CLGN: variants seen among roughly 807,000 people sequenced by gnomAD.
CLGN encodes testis tissue sperm-binding protein Li 79P.
In CLGN, 62 loss-of-function variants were observed where a neutral mutation model predicts 79.1. That is an observed-to-expected ratio of 0.78 (90% CI 0.64 to 0.97). CLGN has a LOEUF of 0.97. Ranked by LOEUF, CLGN falls within the 50% of genes least tolerant of loss-of-function variation. The pLI, the probability that CLGN is intolerant of heterozygous loss-of-function variation, is 0.00. For synonymous variants in CLGN, 225 were observed against 224.7 expected, an observed-to-expected ratio of 1.00 and a Z score of -0.01; for missense variants, 647 against 715.5, an observed-to-expected ratio of 0.90 and a Z score of 1.09.
intron 3 of CLGN, among the ~76,000 whole-genome samples, chr4:140,410,188 T>C (rs771077036): frequency 5.3e-5 from 8 of 152,052 alleles, no homozygotes; most frequent in East Asian, 3.8e-4. Context: ...ATCTACTTTT[T>C]TTAAGGACAT....
rs145227876 is a variant in CLGN, at chr4:140,398,998, G to C, written c.737C>G (p.Thr246Arg). 2 of 1,613,624 alleles carry C rather than the reference G, an allele frequency of 1.2e-6. No individual in the cohort carries two copies. Among genetic ancestry groups the C allele is most frequent in the African/African-American group, 2.7e-5 (2 of 74,988 alleles). The change falls in exon 8 of 15, where the codon ACA (threonine) becomes AGA (arginine). Residue 246 changes from threonine to arginine, a missense_variant. Thr to Arg is a moderately conservative substitution (Grantham distance 71). Transcript: ENST00000325617. ...TAGGAGGCTTCCTTTGTTTACAACT[G>C]TTTGATCAACTAACACCTCAAATGT... ...DDTFEVLVDQ[T>R]VVNKGSLLED... is the part of the protein sequence containing the mutation.
At position 140,398,836 on chromosome 4, in the gene CLGN, G is replaced by A. The variant is rs554423828; in HGVS notation, c.884+15C>T. ...TTATGCCAGATAATGCTTTGCTACC[G>A]AATTATTTGCTTACCAGTCTTCTGG... On this transcript the variant is annotated intron_variant, in intron 8 of 14. Transcript: ENST00000325617. 294 of 1,610,542 alleles carry A rather than the reference G, an allele frequency of 1.8e-4. 4 individuals are homozygous for A. The South Asian group carries it at 2.9e-3, about 16-fold the overall frequency.
chr4:140,398,538 CA>C (rs1728937333), intron 8 of CLGN, among the ~76,000 whole-genome samples: 1 of 151,628 alleles, frequency 6.6e-6, no homozygotes, highest in African/African-American at 2.4e-5. Context: ...CACACACATA[CA>C]ATAAAGATCA....
intron 3 of CLGN, 42 bp downstream of exon 3, chr4:140,410,511 G>A (rs201477678): frequency 4.4e-6 from 6 of 1,378,602 alleles, no homozygotes; most frequent in Non-Finnish European, 6.2e-6. Context: ...CTTCAAAAAA[G>A]CTAATAAATC....
Position 140,398,987 on chromosome 4 carries a change from T to C in CLGN, c.748A>G (p.Lys250Glu), listed in dbSNP as rs141471500. The C allele has an allele frequency of 2.4e-5, 38 of 1,613,816 alleles. No individual in the cohort carries two copies. In the African/African-American group the frequency reaches 3.6e-4, roughly 15 times the overall value. ...ACCACATCCTCTAGGAGGCTTCCTT[T>C]GTTTACAACTGTTTGATCAACTAAC... ...EVLVDQTVVN[K>E]GSLLEDVVPP... The change falls in exon 8 of 15, where the codon AAA becomes GAA. Residue 250 changes from lysine to glutamate, a missense_variant. By Grantham distance (56) the Lys-to-Glu change is moderately conservative (BLOSUM62 1). Transcript: ENST00000325617.
chr4:140,427,221 C>G (rs1729586424), intron 1 of CLGN, among the ~76,000 whole-genome samples: 1 of 152,158 alleles, frequency 6.6e-6, no homozygotes. Flanking sequence ...GGGCTAGGCA[C>G]CTAGCTGTCC....
chr4:140,402,627 G>C (rs1472821597), intron 5 of CLGN, among the ~76,000 whole-genome samples: 2 of 152,066 alleles, frequency 1.3e-5, no homozygotes, highest in Non-Finnish European at 2.9e-5. Flanking sequence ...AGGAGATATG[G>C]GAAATTTTCA....
chr4:140,397,096 T>C (rs1286639856), intron 8 of CLGN, among the ~76,000 whole-genome samples: 1 of 151,628 alleles, frequency 6.6e-6, no homozygotes, highest in Non-Finnish European at 1.5e-5. Flanking sequence ...ATATATGCCA[T>C]TTCTCATCTG....
In CLGN at chr4:140,393,951, C is replaced by G. The variant is rs755140861; in HGVS notation, c.1240G>C (p.Glu414Gln). Residue 414 changes from glutamate to glutamine, a missense_variant, in exon 11 of 15, where the codon GAG (glutamate) becomes CAG (glutamine). Glu to Gln is a conservative substitution (Grantham distance 29). Transcript: ENST00000325617. ...ATATCAGAGGTCATAGACCAAAGCTCTAAACCAAGAGCACTGAAAGAAGTC... is the reference window on the plus strand; with the variant it reads ...ATATCAGAGGTCATAGACCAAAGCTGTAAACCAAGAGCACTGAAAGAAGTC... Reference protein sequence around the residue: ...LLTSFSALGLELWSMTSDIYF... With the variant: ...LLTSFSALGLQLWSMTSDIYF... 1.2e-6 allele frequency: 2 copies of G among 1,613,726 alleles called. No homozygotes were observed. The highest frequency in any genetic ancestry group is 2.2e-5 in the South Asian group (2 of 91,054).
At chr4:140,419,757 C>G (rs545581876) in intron 1 of CLGN, among the ~76,000 whole-genome samples, 1 of 152,088 alleles carries the variant, frequency 6.6e-6, no homozygotes, top group African/African-American at 2.4e-5. Flanking sequence ...TGGGTGCTGT[C>G]ATTAACTAGG....
At chr4:140,405,480 G>A (rs1251782083) in intron 5 of CLGN, among the ~76,000 whole-genome samples, 6 of 152,052 alleles carry the variant, frequency 3.9e-5, no homozygotes, top group South Asian at 2.1e-4. Flanking sequence ...CACCGCGCCC[G>A]GCGATAACAA....
rs191017220 is a variant in CLGN, at chr4:140,412,825, A to C, written c.144+110T>G. ...TTAGAAAAAAAATCAATGTTTTTCT[A>C]TCTAGCTCTAAAATGAAGATTATTT... is the stretch of plus-strand genomic sequence containing the variant. On this transcript the variant is annotated intron_variant, in intron 2 of 14. Coordinates refer to ENST00000325617, the MANE Select transcript of CLGN (RefSeq NM_004362.3). 5.3e-5 allele frequency: 52 copies of C among 981,606 alleles called. No individual in the cohort carries two copies. In the Admixed American group the frequency reaches 1.5e-3, roughly 29 times the overall value. The allele number at this position is 981,606 out of a possible 1,614,324, so 60.8% of individuals were successfully genotyped here. A position where few individuals can be genotyped will look rare whatever the true frequency, so the allele number is the denominator to read the frequency against.
At chr4:140,426,380 T>C (rs1729568444) in intron 1 of CLGN, among the ~76,000 whole-genome samples, 1 of 152,262 alleles carries the variant, frequency 6.6e-6, no homozygotes, top group Non-Finnish European at 1.5e-5. Context: ...ATCAACATAC[T>C]TACATCATTT....
intron 4 of CLGN, among the ~76,000 whole-genome samples, chr4:140,409,319 C>T (rs1373533158): frequency 6.6e-6 from 1 of 151,950 alleles, no homozygotes; most frequent in South Asian, 2.1e-4. Context: ...ATGACCCCTG[C>T]CTATAGGACA....
intron 1 of CLGN, among the ~76,000 whole-genome samples, chr4:140,416,084 C>T (rs1578606664): frequency 1.4e-5 from 1 of 69,826 alleles, no homozygotes; most frequent in Non-Finnish European, 2.6e-5. Flanking sequence ...AACTGAACAA[C>T]CTGCTCCTGA....
At chr4:140,410,020 T>C in intron 3 of CLGN, 125 bp from the exon 4 acceptor site, 1 of 588,818 alleles carries the variant, frequency 1.7e-6, no homozygotes, top group South Asian at 2.6e-5. Flanking sequence ...AACAATAAAT[T>C]CATACTTAGA....
chr4:140,399,882 G>T (rs1056103593), intron 7 of CLGN, among the ~76,000 whole-genome samples: 1 of 152,134 alleles, frequency 6.6e-6, no homozygotes. Flanking sequence ...ACACAAGGTA[G>T]GACATAACAA....
At chr4:140,396,834 A>G (rs748690685) in intron 8 of CLGN, among the ~76,000 whole-genome samples, 23 of 147,658 alleles carry the variant, frequency 1.6e-4, no homozygotes, top group Non-Finnish European at 2.5e-4. Context: ...CTGGGATTAC[A>G]GGCATGAGCC....
Position 140,392,588 on chromosome 4 carries a change from T to G in CLGN, c.1489A>C (p.Lys497Gln). ...TGAAGGAAATCCATTTTCTTTACCT[T>G]TACTTTTCTTGGCCAACAAAATGAA... Reference protein sequence around the residue: ...ITSFCWPRKVKKKHKDTEYKK... With the variant: ...ITSFCWPRKVQKKHKDTEYKK... The change falls in exon 12 of 15, where the codon AAG becomes CAG. Residue 497 changes from lysine to glutamine, a missense_variant and splice_region_variant. Transcript: ENST00000325617. The G allele has an allele frequency of 1.3e-6, 2 of 1,595,214 alleles. No homozygotes were observed. Among genetic ancestry groups the G allele is most frequent in the Non-Finnish European group, 1.7e-6 (2 of 1,174,568 alleles).
Sources: gnomAD v4.1 joint callset for allele counts (sites outside exome capture counted in the v4.1 genomes callset) on GRCh38, gnomAD v4.1.1 for gene constraint, MANE v1.5 for transcripts, NCBI Gene and HGNC (gene_info 2026-07-23, HGNC 2026-07-21) for gene names.